The following PTPN3 variants were observed in gnomAD, a reference collection of about 807,000 sequenced individuals.
The protein encoded by PTPN3 is protein tyrosine phosphatase non-receptor type 3.
Under a neutral mutation model 132.7 loss-of-function variants are expected in PTPN3, and 96 were observed. The observed-to-expected ratio is 0.72, with a 90% CI of 0.61 to 0.86. The LOEUF (loss-of-function observed/expected upper bound fraction) is 0.86, where lower values mean the gene tolerates loss of function less well. PTPN3 is among the 40% of genes least tolerant of loss of function. The probability of loss-of-function intolerance (pLI) is 0.00; values close to 1 mark genes in which losing one functional copy is unlikely to be tolerated. For missense variants in PTPN3, 1,125 were observed against 1,159.6 expected (o/e 0.97, Z 0.43); for synonymous variants, 398 against 429.0 (o/e 0.93, Z 0.89).
intron 6 of PTPN3, among the ~76,000 whole-genome samples, chr9:109,446,836 C>T (rs1844895247): frequency 6.6e-6 from 1 of 152,336 alleles, no homozygotes; most frequent in African/African-American, 2.4e-5. Flanking sequence ...CTTTCTTTCA[C>T]CTTGGGCTTC....
chr9:109,496,788 G>A (rs1475019818), intron 1 of PTPN3, among the ~76,000 whole-genome samples: 7 of 152,166 alleles, frequency 4.6e-5, no homozygotes, highest in South Asian at 2.1e-4. Flanking sequence ...CTGGGGAACA[G>A]GAATTGCTAC....
intron 23 of PTPN3, among the ~76,000 whole-genome samples, chr9:109,383,083 T>C (rs1229470066): frequency 5.9e-5 from 9 of 152,218 alleles, no homozygotes; most frequent in Admixed American, 5.9e-4. Flanking sequence ...TCTGGCTTAT[T>C]TCACTTAGGA....
chr9:109,413,401 C>T (rs565021836), intron 14 of PTPN3, among the ~76,000 whole-genome samples: 28 of 152,192 alleles, frequency 1.8e-4, no homozygotes, highest in Non-Finnish European at 3.5e-4. Context: ...GATGGACAGA[C>T]AGACGAGGAA....
intron 1 of PTPN3, among the ~76,000 whole-genome samples, chr9:109,497,983 AC>A (rs1167062947): frequency 1.4e-5 from 2 of 141,252 alleles, no homozygotes; most frequent in African/African-American, 2.6e-5. Context: ...GCCGAGCCCC[AC>A]CCGGCGCCCC....
chr9:109,493,640 T>A (rs557328173), intron 1 of PTPN3, among the ~76,000 whole-genome samples: 30 of 152,342 alleles, frequency 2.0e-4, no homozygotes, highest in African/African-American at 7.2e-4. Context: ...CACAAAGCAG[T>A]GGCACACACA....
At chr9:109,499,927 C>A (rs888911870), upstream of PTPN3, among the ~76,000 whole-genome samples, 5 of 152,126 alleles carry the variant, frequency 3.3e-5, no homozygotes, top group Non-Finnish European at 5.9e-5. Flanking sequence ...CTCGGACGGG[C>A]GGGGAGCGCA....
chr9:109,411,354 C>A (rs996632384), intron 14 of PTPN3, among the ~76,000 whole-genome samples: 3 of 152,172 alleles, frequency 2.0e-5, no homozygotes, highest in Non-Finnish European at 4.4e-5. Context: ...GCGTCCTAAG[C>A]CTTTCTTCCC....
intron 21 of PTPN3, among the ~76,000 whole-genome samples, chr9:109,390,381 C>T (rs548487892): frequency 2.1e-4 from 32 of 152,278 alleles, no homozygotes; most frequent in South Asian, 4.1e-4. Context: ...AAACTAAGAG[C>T]GGCTTTTAAT....
chr9:109,502,825 G>C (rs551420915), upstream of PTPN3, among the ~76,000 whole-genome samples: 90 of 152,224 alleles, frequency 5.9e-4, no homozygotes, highest in African/African-American at 2.0e-3. Flanking sequence ...CCATTTTATG[G>C]GTCAAAATGG....
At chr9:109,454,027 A>G (rs1400833851) in intron 5 of PTPN3, among the ~76,000 whole-genome samples, 1 of 152,192 alleles carries the variant, frequency 6.6e-6, no homozygotes, top group Admixed American at 6.5e-5. Flanking sequence ...ACAAAAAAAA[A>G]GAAAGAAAAT....
intron 1 of PTPN3, among the ~76,000 whole-genome samples, chr9:109,470,657 C>G (rs1316424557): frequency 6.6e-6 from 1 of 150,468 alleles, no homozygotes; most frequent in Non-Finnish European, 1.5e-5. Flanking sequence ...GACCGCACCA[C>G]TGCTCTGCAG....
intron 1 of PTPN3, among the ~76,000 whole-genome samples, chr9:109,490,403 G>C (rs1314964737): frequency 6.6e-6 from 1 of 152,136 alleles, no homozygotes; most frequent in Non-Finnish European, 1.5e-5. Context: ...GACTCAATGT[G>C]AGGGGCATTC....
In PTPN3 at chr9:109,389,270, A is replaced by C; in HGVS notation, c.2216T>G (p.Leu739Arg). The part of the protein sequence containing the change: ...WQVVWDQKLS[L>R]IVMLTTLTER... ...TGTGAGAGTCGTCAACATGACAATG[A>C]GTGACAACTTCTGATCCCAGACAAC... The change falls in exon 22 of 26, where the codon CTC becomes CGC. Residue 739 changes from leucine (L) to arginine (R), a missense_variant. Transcript: ENST00000374541. 2 of 1,614,194 alleles carry C rather than the reference A, an allele frequency of 1.2e-6. No homozygotes were observed. Among genetic ancestry groups the C allele is most frequent in the Non-Finnish European group, 1.7e-6 (2 of 1,180,028 alleles).
intron 14 of PTPN3, 82 bp from the exon 15 acceptor site, chr9:109,410,497 C>T (rs949571427): frequency 4.4e-5 from 63 of 1,433,808 alleles, no homozygotes; most frequent in Non-Finnish European, 5.9e-5. Flanking sequence ...AGGGGCCTGG[C>T]AGCTGGGGGC....
chr9:109,534,158 T>C, the PTPN3 span: 2 of 853,332 alleles, frequency 2.3e-6, no homozygotes, highest in South Asian at 2.6e-5. Flanking sequence ...CCCAAAACCT[T>C]CGTTGCGATG....
At chr9:109,492,503 C>T (rs947414366) in intron 1 of PTPN3, among the ~76,000 whole-genome samples, 2 of 152,176 alleles carry the variant, frequency 1.3e-5, no homozygotes, top group African/African-American at 4.8e-5. Context: ...AGGGGTCTGA[C>T]CACAAAGTGA....
Position 109,498,002 on chromosome 9 carries a change from C to A in PTPN3, c.-18+217G>T, listed in dbSNP as rs1288221989. 6.9e-6 allele frequency among the ~76,000 whole-genome samples: 1 copy of A among 145,694 alleles called. No individual in the cohort carries two copies. The highest frequency in any genetic ancestry group is 2.0e-4 in the East Asian group (1 of 5,060). On this transcript the variant is annotated intron_variant, in intron 1 of 25. Transcript: ENST00000374541. The surrounding 1 kb of genome is among the most constrained non-coding windows in gnomAD (Gnocchi z 4.2). Reference sequence around the variant, plus strand: ...AGCCCCACCCGGCGCCCCGCCCGCGCCCTCCCGCCCCGGCCCCGCCAGGTG... The same window carrying A: ...AGCCCCACCCGGCGCCCCGCCCGCGACCTCCCGCCCCGGCCCCGCCAGGTG...
At chr9:109,434,368 G>A (rs1047385721) in intron 9 of PTPN3, among the ~76,000 whole-genome samples, 5 of 146,894 alleles carry the variant, frequency 3.4e-5, no homozygotes, top group Admixed American at 2.0e-4. Flanking sequence ...GAGTGCAGTG[G>A]TGCACACGTG....
At chr9:109,399,658 A>G (rs1027865539) in intron 19 of PTPN3, among the ~76,000 whole-genome samples, 2 of 150,686 alleles carry the variant, frequency 1.3e-5, no homozygotes, top group African/African-American at 4.9e-5. Context: ...AATTCCCTTT[A>G]TGAAAAAAAA....
Sources: allele counts gnomAD v4.1 joint callset (sites outside exome capture counted in the v4.1 genomes callset), GRCh38; gene constraint gnomAD v4.1.1; non-coding constraint Gnocchi (gnomAD v3.1); transcripts MANE v1.5; gene names NCBI Gene and HGNC (gene_info 2026-07-23, HGNC 2026-07-21).